MTURN: variants seen among roughly 807,000 people sequenced by gnomAD.
MTURN encodes maturin.
In MTURN, 7 loss-of-function variants were observed where a neutral mutation model predicts 14.9. The observed-to-expected ratio is 0.47, with a 90% confidence interval of 0.27 to 0.88. The LOEUF is 0.88. MTURN is among the 40% of genes least tolerant of loss of function. MTURN has a pLI of 0.14. For synonymous variants in MTURN, 69 were observed against 72.5 expected (o/e 0.95, Z 0.25); for missense variants, 151 against 174.1 (o/e 0.87, Z 0.75).
At position 30,157,466 on chromosome 7, in the gene MTURN, A is replaced by T; in HGVS notation, c.314A>T (p.Asp105Val). Reference protein sequence around the residue: ...PLLGLPDADDDAFEEYSADVE... With the variant: ...PLLGLPDADDVAFEEYSADVE... ...CTGGGGCTTCCGGATGCAGATGACGATGCGTTTGAAGAGTACAGTGCTGAC... is the reference window on the plus strand; with the variant it reads ...CTGGGGCTTCCGGATGCAGATGACGTTGCGTTTGAAGAGTACAGTGCTGAC... The change falls in exon 3 of 3, where the codon GAT (aspartate) becomes GTT (valine). Residue 105 changes from aspartate to valine, a missense_variant. Transcript: ENST00000324453. 1 of 1,603,448 alleles carries T rather than the reference A, an allele frequency of 6.2e-7. No individual in the cohort carries two copies. The highest frequency in any genetic ancestry group is 8.5e-7 in the Non-Finnish European group (1 of 1,175,552).
At chr7:30,139,677 C>G (rs1259275590) in intron 1 of MTURN, among the ~76,000 whole-genome samples, 1 of 152,184 alleles carries the variant, frequency 6.6e-6, no homozygotes, top group East Asian at 1.9e-4. Flanking sequence ...CAGAACAGCC[C>G]ACAGGTGGGG....
rs1006160369 is a variant in MTURN, at chr7:30,161,162, C to T, written c.*3614C>T. Reference sequence around the variant, plus strand: ...GGAATAGGCTTTGCATGTTAAAATTCACAAGTTGGGAAACTGGTATGAACA... The same window carrying T: ...GGAATAGGCTTTGCATGTTAAAATTTACAAGTTGGGAAACTGGTATGAACA... On this transcript the variant is annotated 3_prime_UTR_variant, in exon 3 of 3. Coordinates refer to ENST00000324453, the MANE Select transcript of MTURN (RefSeq NM_152793.3). The T allele has an allele frequency of 8.5e-5, 13 of 152,674 alleles. No homozygotes were observed. Among genetic ancestry groups the T allele is most frequent in the African/African-American group, 2.9e-4 (12 of 41,554 alleles). The allele number at this position is 152,674 out of a possible 1,614,324, so 9.5% of individuals were successfully genotyped here.
At chr7:30,136,864 C>T (rs1796971686) in intron 1 of MTURN, among the ~76,000 whole-genome samples, 1 of 152,200 alleles carries the variant, frequency 6.6e-6, no homozygotes, top group Non-Finnish European at 1.5e-5. Context: ...CCCTAACACA[C>T]AGCAAGAGCC....
chr7:30,137,479 G>T (rs6954451), intron 1 of MTURN: 317,745 of 404,132 alleles, frequency 0.79, 126,524 homozygotes, highest in Admixed American at 0.85. Context: ...AGGCCACCCA[G>T]ATTTTAAATA....
intron 1 of MTURN, among the ~76,000 whole-genome samples, chr7:30,139,084 G>C (rs1055320364): frequency 6.6e-6 from 1 of 152,176 alleles, no homozygotes; most frequent in East Asian, 1.9e-4. Flanking sequence ...CAGAGGCCTT[G>C]TCTGTGTTAT....
intron 2 of MTURN, among the ~76,000 whole-genome samples, chr7:30,154,300 G>T (rs1476989393): frequency 2.6e-5 from 4 of 152,132 alleles, no homozygotes; most frequent in African/African-American, 9.7e-5. Flanking sequence ...TCCCGCTAAT[G>T]ACCTCCACCT....
At chr7:30,135,835 C>T (rs1046255839) in intron 1 of MTURN, among the ~76,000 whole-genome samples, 9 of 152,372 alleles carry the variant, frequency 5.9e-5, no homozygotes, top group Admixed American at 2.0e-4. Flanking sequence ...ACTCCCCGCC[C>T]TCGCGGGTTA....
chr7:30,153,456 T>C (rs985156297), intron 2 of MTURN, among the ~76,000 whole-genome samples: 1 of 152,168 alleles, frequency 6.6e-6, no homozygotes, highest in African/African-American at 2.4e-5. Context: ...GGAACAGCAT[T>C]AACAGCTGAA....
chr7:30,136,236 T>C (rs1583500359), intron 1 of MTURN, among the ~76,000 whole-genome samples: 1 of 152,190 alleles, frequency 6.6e-6, no homozygotes, highest in African/African-American at 2.4e-5. Flanking sequence ...ACCTTCCACT[T>C]TGAATCCTGC....
intron 2 of MTURN, among the ~76,000 whole-genome samples, chr7:30,154,977 A>G (rs1314319550): frequency 6.6e-6 from 1 of 152,136 alleles, no homozygotes; most frequent in South Asian, 2.1e-4. Flanking sequence ...TAAGCTGAAG[A>G]GAGGGAGGGT....
At chr7:30,153,418 C>T (rs544916253) in intron 2 of MTURN, among the ~76,000 whole-genome samples, 1 of 152,258 alleles carries the variant, frequency 6.6e-6, no homozygotes, top group East Asian at 1.9e-4. Flanking sequence ...TATTCCCCAG[C>T]GGAAAACATT....
chr7:30,136,596 A>G (rs1211396479), intron 1 of MTURN, among the ~76,000 whole-genome samples: 1 of 152,114 alleles, frequency 6.6e-6, no homozygotes, highest in African/African-American at 2.4e-5. Flanking sequence ...TTGGTCCTGG[A>G]GAGGTGAAGG....
At chr7:30,136,563 G>A (rs1023144823) in intron 1 of MTURN, among the ~76,000 whole-genome samples, 2 of 152,158 alleles carry the variant, frequency 1.3e-5, no homozygotes, top group South Asian at 2.1e-4. Context: ...GAAGGAGTTA[G>A]GGAGACTGCA....
chr7:30,149,575 CT>C (rs1188845934), intron 2 of MTURN, among the ~76,000 whole-genome samples: 4 of 152,180 alleles, frequency 2.6e-5, no homozygotes, highest in Non-Finnish European at 5.9e-5. Context: ...CCTGGAGAAA[CT>C]TTGACACTCT....
At chr7:30,141,179 C>G (rs930290193) in intron 1 of MTURN, 1 of 152,280 alleles carries the variant, frequency 6.6e-6, no homozygotes, top group Non-Finnish European at 1.5e-5. Flanking sequence ...CTTTGGGAGG[C>G]CGAGGCGGGC....
At chr7:30,146,458 G>A (rs770605535) in intron 2 of MTURN, among the ~76,000 whole-genome samples, 159 bp downstream of exon 2, 3 of 152,288 alleles carry the variant, frequency 2.0e-5, no homozygotes, top group Non-Finnish European at 2.9e-5. Flanking sequence ...TAGGGAGGCC[G>A]AGGGCGGGAG....
chr7:30,140,665 T>A (rs1161561600), intron 1 of MTURN, among the ~76,000 whole-genome samples: 1 of 152,170 alleles, frequency 6.6e-6, no homozygotes, highest in Non-Finnish European at 1.5e-5. Flanking sequence ...GTGCATGTGA[T>A]GTGCTCAGTA....
intron 1 of MTURN, among the ~76,000 whole-genome samples, chr7:30,138,130 T>G (rs1248068741): frequency 1.3e-5 from 2 of 152,176 alleles, no homozygotes; most frequent in Admixed American, 6.5e-5. Flanking sequence ...TTCTTTTTCT[T>G]TTTTTGAGAC....
rs1796919239 is a variant in MTURN at position 30,135,032 on chromosome 7, G to A, written c.-105G>A. The A allele has an allele frequency of 2.0e-6, 2 of 1,010,130 alleles. No individual in the cohort carries two copies. The highest frequency in any genetic ancestry group is 1.2e-6 in the Non-Finnish European group (1 of 824,050). 62.6% of individuals were successfully genotyped at this position (1,010,130 alleles called of 1,614,324 possible). On this transcript the variant is annotated 5_prime_UTR_variant, in exon 1 of 3. Coordinates refer to ENST00000324453, the MANE Select transcript of MTURN (RefSeq NM_152793.3). ...GTCCCAGCCGGCCCAGCCCGGCCCC[G>A]GAGGAGCCCGCGCAGGCCGAGCCGA...
Sources: allele counts gnomAD v4.1 joint callset (sites outside exome capture counted in the v4.1 genomes callset), GRCh38; gene constraint gnomAD v4.1.1; transcripts MANE v1.5; gene names NCBI Gene and HGNC (gene_info 2026-07-23, HGNC 2026-07-21).